Variants in RIPOR1 observed in about 807,000 individuals in gnomAD.
RIPOR1 encodes RHO family interacting cell polarization regulator 1.
RIPOR1 carries 58 observed loss-of-function variants against 116.5 expected under a neutral mutation model. The observed-to-expected ratio is 0.50, with a 90% CI of 0.40 to 0.62. The LOEUF (loss-of-function observed/expected upper bound fraction) is 0.62. Among genes scored for constraint, RIPOR1 ranks in the 20% least tolerant of loss-of-function variants. The pLI is 0.00. For missense variants in RIPOR1, 1,372 were observed against 1,586.2 expected, an observed-to-expected ratio of 0.86 and a Z score of 2.29; for synonymous variants, 605 against 650.0, an observed-to-expected ratio of 0.93 and a Z score of 1.05.
chr16:67,536,094 G>C (rs563413958), intron 1 of RIPOR1, among the ~76,000 whole-genome samples: 1 of 152,140 alleles, frequency 6.6e-6, no homozygotes, highest in South Asian at 2.1e-4. Flanking sequence ...CCCCTCCAAG[G>C]TCAAGGGAGG....
At chr16:67,522,114 G>A (rs528016228) in intron 1 of RIPOR1, among the ~76,000 whole-genome samples, 1 of 150,740 alleles carries the variant, frequency 6.6e-6, no homozygotes, top group East Asian at 1.9e-4. Flanking sequence ...TGCAACCTCT[G>A]CCTCCCGGAT....
chr16:67,522,068 G>A (rs953702706), intron 1 of RIPOR1, among the ~76,000 whole-genome samples: 7 of 151,530 alleles, frequency 4.6e-5, no homozygotes, highest in Admixed American at 4.6e-4. Flanking sequence ...TCGCTCTGTC[G>A]CCAGGCTGGA....
chr16:67,545,322 C>A lies in RIPOR1; in HGVS notation c.3032-54C>A. On this transcript the variant is annotated intron_variant, in intron 17 of 21. Coordinates refer to ENST00000042381, the MANE Select transcript of RIPOR1 (RefSeq NM_024519.4). The surrounding 1 kb of genome is among the most constrained non-coding windows in gnomAD (Gnocchi z 4.8). Reference sequence around the variant, plus strand: ...AGCCTGGGATAGGAGCATCTCTCCCCTCTAAAAGCTGTGTTCACCCAAACT... The same window carrying A: ...AGCCTGGGATAGGAGCATCTCTCCCATCTAAAAGCTGTGTTCACCCAAACT... 3 of 1,588,312 alleles carry A rather than the reference C, an allele frequency of 1.9e-6. 1 individual carries two copies. Among genetic ancestry groups the A allele is most frequent in the South Asian group, 2.3e-5 (2 of 88,572 alleles).
Position 67,545,737 on chromosome 16 carries a change from G to A in RIPOR1, c.3264G>A (p.Gly1088=). ...AGGCCCTGAGATTGGCGCCCGAGGG[G>A]CGTCTGCGAAGGGACGGGCTGCGGG... The part of the protein sequence containing the change: ...VLKALRLAPE[G]RLRRDGLRAL... Residue 1088 remains glycine (G), a synonymous_variant, in exon 19 of 22, where the codon GGG becomes GGA. Transcript: ENST00000042381. This position sits in a 1 kb window ranked among gnomAD's most constrained non-coding sequence, Gnocchi z 4.8. 6.2e-7 allele frequency: 1 copy of A among 1,608,636 alleles called. No homozygotes were observed. Among genetic ancestry groups the A allele is most frequent in the Non-Finnish European group, 8.5e-7 (1 of 1,177,442 alleles).
rs907121929 is a variant in RIPOR1 at position 67,537,967 on chromosome 16, C to T, written c.-23-457C>T. 1.3e-5 allele frequency: 3 copies of T among 225,770 alleles called. No individual in the cohort carries two copies. Among genetic ancestry groups the T allele is most frequent in the Non-Finnish European group, 2.6e-5 (3 of 116,336 alleles). 14.0% of individuals were successfully genotyped at this position (225,770 alleles called of 1,614,324 possible). ...GCTCCGCAGGGCTCCGAGCGTGGCC[C>T]CGCCCCGCCCCGTGACCTCCTTGGG... On this transcript the variant is annotated intron_variant, in intron 1 of 21. Coordinates refer to ENST00000042381, the MANE Select transcript of RIPOR1 (RefSeq NM_024519.4). This position sits in a 1 kb window ranked among gnomAD's most constrained non-coding sequence, Gnocchi z 4.6.
Position 67,538,443 on chromosome 16 carries a change from C to T in RIPOR1, c.-4C>T. ...CCGCAGGGAGCCCCGCGCGGACTCA[C>T]TCTATGATGTCCCTGTCGGTGCGGC... On this transcript the variant is annotated 5_prime_UTR_variant, in exon 2 of 22. Transcript: ENST00000042381. 5 of 1,602,274 alleles carry T rather than the reference C, an allele frequency of 3.1e-6. No homozygotes were observed. The highest frequency in any genetic ancestry group is 4.3e-6 in the Non-Finnish European group (5 of 1,174,826).
chr16:67,525,897 C>T (rs574077653), upstream of RIPOR1, among the ~76,000 whole-genome samples: 4 of 152,240 alleles, frequency 2.6e-5, no homozygotes, highest in Non-Finnish European at 5.9e-5. Context: ...TCTTGCCTTC[C>T]CTGAGCTTCA....
chr16:67,537,316 A>T lies in RIPOR1; in HGVS notation c.-23-1108A>T. 1.8e-6 allele frequency: 2 copies of T among 1,102,678 alleles called. No homozygotes were observed. The highest frequency in any genetic ancestry group is 2.3e-6 in the Non-Finnish European group (2 of 874,894). 68.3% of individuals were successfully genotyped at this position (1,102,678 alleles called of 1,614,324 possible). On this transcript the variant is annotated intron_variant, in intron 1 of 21. Transcript: ENST00000042381. The surrounding 1 kb of genome is among the most constrained non-coding windows in gnomAD (Gnocchi z 4.6). ...TTCATCCCCATGCTCAAATCCCTTT[A>T]CGCACATTGCTGACCCCAGCTGAGC...
In RIPOR1 at chr16:67,542,699, C is replaced by T. The variant is rs1227122847; in HGVS notation, c.1913C>T (p.Pro638Leu). The T allele has an allele frequency of 2.5e-6, 4 of 1,613,456 alleles. No homozygotes were observed. The highest frequency in any genetic ancestry group is 2.2e-5 in the South Asian group (2 of 91,052). Reference protein sequence around the residue: ...SPTHKTSMSPPTTTSPTPSGM... With the variant: ...SPTHKTSMSPLTTTSPTPSGM... ...ACCCACAAAACCAGTATGTCACCTC[C>T]CACCACTACAAGTCCTACCCCCAGT... The change falls in exon 13 of 22, where the codon CCC (proline) becomes CTC (leucine). Residue 638 changes from proline (P) to leucine (L), a missense_variant. Pro to Leu is a moderately conservative substitution (Grantham distance 98). Around this residue, in one of 3 missense-constraint regions of RIPOR1, gnomAD observed 1,005 missense variants for 1,144.7 expected, o/e 0.88. Transcript: ENST00000042381. The surrounding 1 kb of genome is among the most constrained non-coding windows in gnomAD (Gnocchi z 4.6).
chr16:67,544,948 CCT>C lies in RIPOR1; in HGVS notation c.2870-6_2870-5del, dbSNP rs1567578613. The stretch of plus-strand genomic sequence containing the variant: ...CTGTTGCTGACGGTTTCCCTCACCC[CCT>C]CACAGTGGTGCAGTTCTCGGCCTCT... On this transcript the variant is annotated splice_region_variant and splice_polypyrimidine_tract_variant and intron_variant, in intron 16 of 21. Coordinates refer to ENST00000042381, the MANE Select transcript of RIPOR1 (RefSeq NM_024519.4). This position sits in a 1 kb window ranked among gnomAD's most constrained non-coding sequence, Gnocchi z 5.1. 6.2e-7 allele frequency: 1 copy of C among 1,611,238 alleles called. No homozygotes were observed. The highest frequency in any genetic ancestry group is 8.5e-7 in the Non-Finnish European group (1 of 1,179,756).
chr16:67,542,038 A>G lies in RIPOR1; in HGVS notation c.1252A>G (p.Arg418Gly). The change falls in exon 13 of 22, where the codon AGG becomes GGG. Residue 418 changes from arginine (R) to glycine (G), a missense_variant. Arg to Gly is a moderately radical substitution (Grantham distance 125, BLOSUM62 -2). Around this residue, in one of 3 missense-constraint regions of RIPOR1, gnomAD observed 1,005 missense variants for 1,144.7 expected, o/e 0.88. Coordinates refer to ENST00000042381, the MANE Select transcript of RIPOR1 (RefSeq NM_024519.4). The surrounding 1 kb of genome is among the most constrained non-coding windows in gnomAD (Gnocchi z 4.6). ...EPLPIQVAFR[R>G]PETPSSGPLD... ...CCTTCCCATCCAAGTTGCCTTCCGC[A>G]GGCCTGAGACCCCCAGCTCTGGGCC... 1 of 1,607,626 alleles carries G rather than the reference A, an allele frequency of 6.2e-7. No individual in the cohort carries two copies. Among genetic ancestry groups the G allele is most frequent in the Middle Eastern group, 1.7e-4 (1 of 6,030 alleles).
In RIPOR1 at chr16:67,529,088, G is replaced by A. The variant is rs1238378322; in HGVS notation, c.-24+174G>A. On this transcript the variant is annotated intron_variant, in intron 1 of 21. Coordinates refer to ENST00000042381, the MANE Select transcript of RIPOR1 (RefSeq NM_024519.4). This position sits in a 1 kb window ranked among gnomAD's most constrained non-coding sequence, Gnocchi z 4.1. ...TGTCTTTCCTCCCCTCCCCCCGGGC[G>A]TGGAGAACGCAGCTTCTCCCACAAA... 6.6e-6 allele frequency among the ~76,000 whole-genome samples: 1 copy of A among 152,158 alleles called. No individual in the cohort carries two copies. The highest frequency in any genetic ancestry group is 1.9e-4 in the East Asian group (1 of 5,174).
At chr16:67,524,595 A>G (rs910387168), upstream of RIPOR1, among the ~76,000 whole-genome samples, 1 of 151,720 alleles carries the variant, frequency 6.6e-6, no homozygotes, top group African/African-American at 2.4e-5. Flanking sequence ...AACTGACCAT[A>G]TTACCTTTCC....
In RIPOR1 at chr16:67,544,367, C is replaced by T. The variant is rs202059968; in HGVS notation, c.2669C>T (p.Thr890Met). 2.2e-5 allele frequency: 35 copies of T among 1,613,198 alleles called. No homozygotes were observed. Among genetic ancestry groups the T allele is most frequent in the Middle Eastern group, 1.6e-4 (1 of 6,082 alleles). ...TCACCCAGTGCCCGCCCCCTCAGCA[C>T]GGGGTGTCCAGCTCTGGATGCTGCC... ...IDSPSARPLS[T>M]GCPALDAALV... Residue 890 changes from threonine to methionine, a missense_variant, in exon 15 of 22, where the codon ACG (threonine) becomes ATG (methionine). Physicochemically the swap from Thr to Met is moderately conservative, Grantham distance 81 (BLOSUM62 -1). Around this residue, in one of 3 missense-constraint regions of RIPOR1, gnomAD observed 1,005 missense variants for 1,144.7 expected, o/e 0.88. Coordinates refer to ENST00000042381, the MANE Select transcript of RIPOR1 (RefSeq NM_024519.4). This position sits in a 1 kb window ranked among gnomAD's most constrained non-coding sequence, Gnocchi z 5.1.
Position 67,544,534 on chromosome 16 carries a change from C to T in RIPOR1, c.2733+103C>T. The stretch of plus-strand genomic sequence containing the variant: ...CTATACCTCCTCTGAGTGCCACACC[C>T]CAGTGCCCCAGGGCCCTTGGCATCT... On this transcript the variant is annotated intron_variant, in intron 15 of 21. Coordinates refer to ENST00000042381, the MANE Select transcript of RIPOR1 (RefSeq NM_024519.4). The surrounding 1 kb of genome is among the most constrained non-coding windows in gnomAD (Gnocchi z 5.1). 13 of 1,534,754 alleles carry T rather than the reference C, an allele frequency of 8.5e-6. No homozygotes were observed. Among genetic ancestry groups the T allele is most frequent in the Non-Finnish European group, 1.1e-5 (13 of 1,133,192 alleles).
Position 67,537,664 on chromosome 16 carries a change from G to C in RIPOR1, c.-23-760G>C. On this transcript the variant is annotated intron_variant, in intron 1 of 21. Coordinates refer to ENST00000042381, the MANE Select transcript of RIPOR1 (RefSeq NM_024519.4). The surrounding 1 kb of genome is among the most constrained non-coding windows in gnomAD (Gnocchi z 4.6). ...CCAGGGGAAGCAGGCCGGGTTTGGG[G>C]GCCAGGAGTGTGTGTTTCGCCGAAG... 1.8e-6 allele frequency: 2 copies of C among 1,132,726 alleles called. No individual in the cohort carries two copies. The highest frequency in any genetic ancestry group is 2.3e-6 in the Non-Finnish European group (2 of 866,398). The allele number at this position is 1,132,726 out of a possible 1,614,324, so 70.2% of individuals were successfully genotyped here.
rs754271577 is a variant in RIPOR1 at position 67,540,421 on chromosome 16, A to C, written c.632-37A>C. 42 of 1,613,922 alleles carry C rather than the reference A, an allele frequency of 2.6e-5. 1 individual carries two copies. In the Middle Eastern group the frequency reaches 8.2e-4, roughly 32 times the overall value. ...AGGGAGTATGCTGAAGAACCCCAAT[A>C]TGGCTCACCGACTTCTCCCCTTCTC... On this transcript the variant is annotated intron_variant, in intron 8 of 21. Transcript: ENST00000042381. This position sits in a 1 kb window ranked among gnomAD's most constrained non-coding sequence, Gnocchi z 4.7.
chr16:67,532,896 G>T (rs2050697484), intron 1 of RIPOR1, among the ~76,000 whole-genome samples: 2 of 152,238 alleles, frequency 1.3e-5, no homozygotes, highest in African/African-American at 4.8e-5. Flanking sequence ...GATGATTGCA[G>T]GTTAGAGTGG....
chr16:67,532,064 T>C (rs1224208331), intron 1 of RIPOR1, among the ~76,000 whole-genome samples: 1 of 151,928 alleles, frequency 6.6e-6, no homozygotes, highest in East Asian at 1.9e-4. Flanking sequence ...GCTAATTTTT[T>C]TTTTTTTTGT....
Sources: allele counts gnomAD v4.1 joint callset (sites outside exome capture counted in the v4.1 genomes callset), GRCh38; gene constraint gnomAD v4.1.1; regional missense constraint gnomAD v4.1.1; non-coding constraint Gnocchi (gnomAD v3.1); transcripts MANE v1.5; gene names NCBI Gene and HGNC (gene_info 2026-07-23, HGNC 2026-07-21).